The following CASK variants were observed in gnomAD, a reference collection of about 807,000 sequenced individuals.
The protein encoded by CASK is calcium/calmodulin dependent serine protein kinase.
Under a neutral mutation model 82.9 loss-of-function variants are expected in CASK, and 4 were observed. The observed-to-expected ratio is 0.05, with a 90% CI of 0.02 to 0.11. The LOEUF is 0.11. Ranked by LOEUF, CASK falls within the 10% of genes least tolerant of loss-of-function variation. The pLI is 1.00. For missense variants in CASK, 358 were observed against 720.9 expected, an observed-to-expected ratio of 0.50 and a Z score of 5.76; for synonymous variants, 259 against 253.5, an observed-to-expected ratio of 1.02 and a Z score of -0.20.
rs61370255 is a variant in CASK at position 41,877,476 on chromosome X, A to G, written c.60-24249T>C. ...TTACCAGATTTCAGTCCCATTGCCA[A>G]ATAGATATTATGAGCAAGGAAGAAA... On this transcript the variant is annotated intron_variant, in intron 1 of 26. Coordinates refer to ENST00000378163, the MANE Select transcript of CASK (RefSeq NM_001367721.1). Among the ~76,000 whole-genome samples the G allele has an allele frequency of 3.5e-4, 39 of 111,806 alleles. No individual in the cohort carries two copies. In the East Asian group the frequency reaches 0.011, roughly 31 times the overall value.
intron 8 of CASK, among the ~76,000 whole-genome samples, chrX:41,643,547 A>C (rs1230462793): frequency 9.0e-6 from 1 of 111,287 alleles, no homozygotes; most frequent in African/African-American, 3.3e-5. Context: ...TGTGAATGGG[A>C]GTTCACTCAT....
intron 11 of CASK, among the ~76,000 whole-genome samples, chrX:41,612,472 C>T (rs1202855370): frequency 1.8e-5 from 2 of 108,547 alleles, no homozygotes; most frequent in Non-Finnish European, 3.9e-5. Flanking sequence ...GGCAGCCACC[C>T]CATCTGGGAA....
At chrX:41,658,270 C>T (rs969970040) in intron 8 of CASK, among the ~76,000 whole-genome samples, 1 of 112,189 alleles carries the variant, frequency 8.9e-6, no homozygotes. Context: ...TAACCAACCC[C>T]AAAGAGGAAG....
Position 41,834,469 on chromosome X carries a change from T to C in CASK, c.172+18646A>G, listed in dbSNP as rs188165548. ...GATTGATATTGTATAGAAGTTTTTGTGAACAATTAGGAGCTCTTGTACCCA... is the reference window on the plus strand; with the variant it reads ...GATTGATATTGTATAGAAGTTTTTGCGAACAATTAGGAGCTCTTGTACCCA... On this transcript the variant is annotated intron_variant, in intron 2 of 26. Transcript: ENST00000378163. Among the ~76,000 whole-genome samples, 460 of 112,217 alleles carry C rather than the reference T, an allele frequency of 4.1e-3. 1 individual carries two copies. Among genetic ancestry groups the C allele is most frequent in the Non-Finnish European group, 4.8e-3 (258 of 53,209 alleles).
chrX:41,809,268 T>A (rs1291058488), intron 2 of CASK, among the ~76,000 whole-genome samples: 1 of 112,066 alleles, frequency 8.9e-6, no homozygotes, highest in African/African-American at 3.2e-5. Flanking sequence ...GAGTTTTAGA[T>A]CTGAGAACGG....
chrX:41,702,827 T>C lies in CASK; in HGVS notation c.430-31297A>G, dbSNP rs185847318. Among the ~76,000 whole-genome samples, 210 of 111,970 alleles carry C rather than the reference T, an allele frequency of 1.9e-3. 1 individual carries two copies. Among genetic ancestry groups the C allele is most frequent in the African/African-American group, 6.5e-3 (200 of 30,871 alleles). On this transcript the variant is annotated intron_variant, in intron 5 of 26. Transcript: ENST00000378163. ...ACAAAAACAAAAACAAAAAACAATC[T>C]TTAAAACTAGTCTTCTAACCATCAC...
At chrX:41,572,698 C>T (rs2065430659) in intron 15 of CASK, among the ~76,000 whole-genome samples, 1 of 111,888 alleles carries the variant, frequency 8.9e-6, no homozygotes, top group East Asian at 2.8e-4. Flanking sequence ...GTTTAAATTG[C>T]CAATTATAAG....
chrX:41,824,029 G>A (rs1278811490), intron 2 of CASK, among the ~76,000 whole-genome samples: 1 of 111,718 alleles, frequency 9.0e-6, no homozygotes, highest in Non-Finnish European at 1.9e-5. Context: ...TGAGATGCAA[G>A]ATGTCAAAAA....
At chrX:41,612,561 G>T (rs865916537) in intron 11 of CASK, among the ~76,000 whole-genome samples, 1 of 101,587 alleles carries the variant, frequency 9.8e-6, no homozygotes, top group South Asian at 4.6e-4. Flanking sequence ...CAGCCGCCCC[G>T]TCCGGGAGGT....
intron 16 of CASK, among the ~76,000 whole-genome samples, chrX:41,567,745 A>T (rs1435489127): frequency 9.0e-6 from 1 of 111,610 alleles, no homozygotes; most frequent in Non-Finnish European, 1.9e-5. Flanking sequence ...CTGAGTATAT[A>T]CCTAAAGGAT....
intron 15 of CASK, among the ~76,000 whole-genome samples, chrX:41,575,189 A>G (rs774026129): frequency 8.9e-6 from 1 of 112,435 alleles, no homozygotes; most frequent in African/African-American, 3.2e-5. Flanking sequence ...ACTATGAGGC[A>G]GGCACTCTGC....
Position 41,810,748 on chromosome X carries a change from T to C in CASK, c.173-23465A>G, listed in dbSNP as rs144033601. ...TTCATAACAATATTAACCTTAAATGTAAATGGGCTAAACGCTCCAATTAAA... is the reference window on the plus strand; with the variant it reads ...TTCATAACAATATTAACCTTAAATGCAAATGGGCTAAACGCTCCAATTAAA... On this transcript the variant is annotated intron_variant, in intron 2 of 26. Transcript: ENST00000378163. Among the ~76,000 whole-genome samples the C allele has an allele frequency of 8.6e-3, 966 of 111,951 alleles. 14 individuals are homozygous for C. The highest frequency in any genetic ancestry group is 0.03 in the African/African-American group (931 of 30,764).
rs146680841 is a variant in CASK, at chrX:41,596,194, C to CAA, written c.1156-6604_1156-6603dup. Among the ~76,000 whole-genome samples, 148 of 61,488 alleles carry CAA rather than the reference C, an allele frequency of 2.4e-3. 1 individual carries two copies. The highest frequency in any genetic ancestry group is 5.5e-3 in the African/African-American group (80 of 14,500). 53.4% of individuals were successfully genotyped at this position (61,488 alleles called of 115,157 possible). A position where few individuals can be genotyped will look rare whatever the true frequency, so the allele number is the denominator to read the frequency against. On this transcript the variant is annotated intron_variant, in intron 12 of 26. Transcript: ENST00000378163. ...TGGGCAACAGAGTGAGACTCTGTCT[C>CAA]AAAAAAAAAAAAAAAAAGAATATCA...
chrX:41,576,782 G>T (rs990166588), intron 15 of CASK, among the ~76,000 whole-genome samples: 1 of 111,807 alleles, frequency 8.9e-6, no homozygotes, highest in African/African-American at 3.3e-5. Flanking sequence ...GAAGTGATTT[G>T]CCCAAGACAC....
intron 5 of CASK, among the ~76,000 whole-genome samples, chrX:41,685,482 TTTTTA>T (rs2067426299): frequency 8.9e-6 from 1 of 111,946 alleles, no homozygotes; most frequent in Admixed American, 9.5e-5. Context: ...GTTTTTAAAT[TTTTTA>T]TTTTATTTAT....
chrX:41,878,166 TAAAAA>T (rs758826227), intron 1 of CASK, among the ~76,000 whole-genome samples: 1 of 97,720 alleles, frequency 1.0e-5, no homozygotes, highest in Non-Finnish European at 2.1e-5. Flanking sequence ...AAAATATTCT[TAAAAA>T]AAAAAAAACA....
At chrX:41,561,019 C>T (rs2147154432) in intron 17 of CASK, among the ~76,000 whole-genome samples, 1 of 111,748 alleles carries the variant, frequency 8.9e-6, no homozygotes, top group South Asian at 3.8e-4. Context: ...CCTCTGTCTG[C>T]TTGCTATGAC....
At chrX:41,579,953 A>G (rs369091341) in intron 14 of CASK, among the ~76,000 whole-genome samples, 1 of 111,908 alleles carries the variant, frequency 8.9e-6, no homozygotes, top group South Asian at 3.7e-4. Flanking sequence ...TATTTTCACA[A>G]TCTCAGAAGG....
chrX:41,611,770 T>C (rs1199435755), intron 11 of CASK, among the ~76,000 whole-genome samples: 2 of 108,315 alleles, frequency 1.8e-5, no homozygotes, highest in Non-Finnish European at 3.8e-5. Context: ...ACTGTACTGC[T>C]GCCAACTCGG....
Sources: gnomAD v4.1 joint callset for allele counts (sites outside exome capture counted in the v4.1 genomes callset) on GRCh38, gnomAD v4.1.1 for gene constraint, MANE v1.5 for transcripts, NCBI Gene and HGNC (gene_info 2026-07-23, HGNC 2026-07-21) for gene names.